The following RAB44 variants were observed in gnomAD, a reference collection of about 807,000 sequenced individuals.
The protein encoded by RAB44 is ras-related protein Rab-44.
A neutral mutation model predicts 93.3 loss-of-function variants in RAB44; 67 were observed. That is an observed-to-expected ratio of 0.72 (90% CI 0.59 to 0.88). The LOEUF (loss-of-function observed/expected upper bound fraction) is 0.88, where lower values mean the gene tolerates loss of function less well. Among genes scored for constraint, RAB44 ranks in the 40% least tolerant of loss-of-function variants. The probability of loss-of-function intolerance (pLI) is 0.00; values close to 1 mark genes in which losing one functional copy is unlikely to be tolerated. For synonymous variants in RAB44, 427 were observed against 520.3 expected (o/e 0.82, Z 2.44); for missense variants, 1,064 against 1,261.7 (o/e 0.84, Z 2.37).
chr6:36,718,076 G>A lies in RAB44; in HGVS notation c.690G>A (p.Met230Ile), dbSNP rs536395111. The stretch of plus-strand genomic sequence containing the variant: ...AGGTCCAGCAGCTCTATGAGGAGAT[G>A]GAGCAGCAGATCCGCCAGGAGAAGC... ...HREVQQLYEE[M>I]EQQIRQEKQQ... Residue 230 changes from methionine to isoleucine, a missense_variant, in exon 6 of 14, where the codon ATG becomes ATA. Coordinates refer to ENST00000612677, the MANE Select transcript of RAB44 (RefSeq NM_001257357.2). 2 of 1,232,306 alleles carry A rather than the reference G, an allele frequency of 1.6e-6. No homozygotes were observed. Among genetic ancestry groups the A allele is most frequent in the Non-Finnish European group, 2.0e-6 (2 of 988,086 alleles). The allele number at this position is 1,232,306 out of a possible 1,614,324, so 76.3% of individuals were successfully genotyped here.
chr6:36,710,579 ACT>A (rs1195194567), intron 2 of RAB44, among the ~76,000 whole-genome samples: 2 of 147,558 alleles, frequency 1.4e-5, no homozygotes, highest in South Asian at 2.1e-4. Context: ...ATGGAGTCTC[ACT>A]CTGTCGTCCA....
intron 2 of RAB44, 58 bp downstream of exon 2, chr6:36,704,500 C>T (rs1304200495): frequency 1.4e-6 from 2 of 1,474,228 alleles, no homozygotes; most frequent in African/African-American, 1.4e-5. Context: ...CCTGACACCC[C>T]CTCTCCCCCA....
intron 2 of RAB44, among the ~76,000 whole-genome samples, chr6:36,705,884 ATTT>A (rs1262772223): frequency 6.6e-6 from 1 of 150,724 alleles, no homozygotes; most frequent in African/African-American, 2.5e-5. Flanking sequence ...TATGTATGAA[ATTT>A]GGATTTATGT....
At position 36,729,649 on chromosome 6, in the gene RAB44, A is replaced by AT. The variant is rs574654014; in HGVS notation, c.2898+853dup. On this transcript the variant is annotated intron_variant, in intron 12 of 13. Transcript: ENST00000612677. ...AGGCATGTGCCACCACGCCCGGCTA[A>AT]TTTTTGTATTTTTAGTAGAGACGGG... Among the ~76,000 whole-genome samples the AT allele has an allele frequency of 2.5e-3, 378 of 151,912 alleles. 3 individuals carry two copies. Among genetic ancestry groups the AT allele is most frequent in the African/African-American group, 8.5e-3 (353 of 41,434 alleles).
At chr6:36,702,529 G>A (rs537096677) in intron 1 of RAB44, among the ~76,000 whole-genome samples, 2 of 152,302 alleles carry the variant, frequency 1.3e-5, no homozygotes, top group East Asian at 3.9e-4. Context: ...GTGGCCTTCG[G>A]CCTCAACAGA....
At chr6:36,720,326 A>G in intron 7 of RAB44, 37 bp from the exon 8 acceptor site, 1 of 1,231,782 alleles carries the variant, frequency 8.1e-7, no homozygotes, top group Non-Finnish European at 1.0e-6. Flanking sequence ...CCTGGAGGGC[A>G]TCTGGGCTTC....
At chr6:36,700,147 G>A (rs1156946573) in intron 1 of RAB44, among the ~76,000 whole-genome samples, 1 of 152,218 alleles carries the variant, frequency 6.6e-6, no homozygotes, top group Non-Finnish European at 1.5e-5. Context: ...GCTGGGGAAT[G>A]GGAACTGATG....
In RAB44 at chr6:36,713,891, G is replaced by A. The variant is rs145413523; in HGVS notation, c.271G>A (p.Val91Met). Residue 91 changes from valine (V) to methionine (M), a missense_variant, in exon 3 of 14, where the codon GTG becomes ATG. Transcript: ENST00000612677. Reference sequence around the variant, plus strand: ...AGAGATGATCTTCGACTGGGTGGATGTGGAGCGGAAGGGACACCTGTCCCT... The same window carrying A: ...AGAGATGATCTTCGACTGGGTGGATATGGAGCGGAAGGGACACCTGTCCCT... ...ESEMIFDWVDVERKGHLSLEE... is the reference protein window; with the variant it reads ...ESEMIFDWVDMERKGHLSLEE... 2.8e-3 allele frequency: 4,341 copies of A among 1,536,092 alleles called. 102 individuals carry two copies. The African/African-American group carries it at 0.048, about 17-fold the overall frequency.
Position 36,723,642 on chromosome 6 carries a change from C to T in RAB44, c.2599+909C>T, listed in dbSNP as rs139608537. 8.6e-3 allele frequency among the ~76,000 whole-genome samples: 1,300 copies of T among 151,740 alleles called. 63 individuals carry two copies. The East Asian group carries it at 0.16, about 18-fold the overall frequency. ...CAAGGTCAGGAGATCGAGACCATCC[C>T]GGCTAACGCAGTGAAACCCTGTCTT... On this transcript the variant is annotated intron_variant, in intron 9 of 13. Coordinates refer to ENST00000612677, the MANE Select transcript of RAB44 (RefSeq NM_001257357.2).
Position 36,722,235 on chromosome 6 carries a change from C to T in RAB44, c.2101C>T (p.His701Tyr). The T allele has an allele frequency of 7.9e-7, 1 of 1,265,504 alleles. No individual in the cohort carries two copies. The highest frequency in any genetic ancestry group is 2.0e-4 in the Middle Eastern group (1 of 4,946). 78.4% of individuals were successfully genotyped at this position (1,265,504 alleles called of 1,614,324 possible). Residue 701 changes from histidine (H) to tyrosine (Y), a missense_variant, in exon 9 of 14, where the codon CAC (histidine) becomes TAC (tyrosine). Physicochemically the swap from His to Tyr is moderately conservative, Grantham distance 83. Transcript: ENST00000612677. ...GCAGTCAGAGCAGTCGGTTGAGGCTCACGGCCTAGAAACTGCGCATTCGGA... is the reference window on the plus strand; with the variant it reads ...GCAGTCAGAGCAGTCGGTTGAGGCTTACGGCCTAGAAACTGCGCATTCGGA... Reference protein sequence around the residue: ...SEQSEQSVEAHGLETAHSELP... With the variant: ...SEQSEQSVEAYGLETAHSELP...
intron 1 of RAB44, among the ~76,000 whole-genome samples, chr6:36,699,369 C>G (rs1012504762): frequency 3.9e-5 from 6 of 152,162 alleles, no homozygotes; most frequent in African/African-American, 1.4e-4. Context: ...TTCTAACATC[C>G]TACACCTGTG....
At chr6:36,712,121 G>A (rs1350017123) in intron 2 of RAB44, among the ~76,000 whole-genome samples, 1 of 151,832 alleles carries the variant, frequency 6.6e-6, no homozygotes, top group East Asian at 2.0e-4. Flanking sequence ...TGGCCAACAT[G>A]GTGAAACCCC....
chr6:36,714,121 C>T (rs1326975529), intron 3 of RAB44, among the ~76,000 whole-genome samples, 182 bp downstream of exon 3: 1 of 152,230 alleles, frequency 6.6e-6, no homozygotes, highest in African/African-American at 2.4e-5. Context: ...CCAGGGAGGC[C>T]TCCGGGCTTG....
rs1005442959 is a variant in RAB44, at chr6:36,721,788, C to A, written c.1654C>A (p.Pro552Thr). The change falls in exon 9 of 14, where the codon CCC becomes ACC. Residue 552 changes from proline to threonine, a missense_variant. By Grantham distance (38) the Pro-to-Thr change is conservative. Coordinates refer to ENST00000612677, the MANE Select transcript of RAB44 (RefSeq NM_001257357.2). ...QPGAGAGPQE[P>T]TQTPPTMTER... ...TGGGGCTGGAGCAGGACCCCAGGAA[C>A]CCACACAAACCCCTCCCACCATGAC... is the stretch of plus-strand genomic sequence containing the variant. 2.4e-6 allele frequency: 3 copies of A among 1,234,416 alleles called. No homozygotes were observed. In the African/African-American group the frequency reaches 4.7e-5, roughly 19 times the overall value. 76.5% of individuals were successfully genotyped at this position (1,234,416 alleles called of 1,614,324 possible).
chr6:36,727,509 C>G (rs1378202229), intron 10 of RAB44, 68 bp from the exon 11 acceptor site: 1 of 1,056,084 alleles, frequency 9.5e-7, no homozygotes, highest in African/African-American at 1.6e-5. Flanking sequence ...GTTACTTCTC[C>G]CACTTTGCAG....
At chr6:36,726,648 C>T (rs1335169729) in intron 10 of RAB44, among the ~76,000 whole-genome samples, 1 of 152,106 alleles carries the variant, frequency 6.6e-6, no homozygotes, top group African/African-American at 2.4e-5. Flanking sequence ...GGGACCAGGA[C>T]CAGTCATAGT....
At position 36,717,711 on chromosome 6, in the gene RAB44, A is replaced by T. The variant is rs1762957843; in HGVS notation, c.641+292A>T. 1.3e-5 allele frequency among the ~76,000 whole-genome samples: 2 copies of T among 152,144 alleles called. No individual in the cohort carries two copies. The highest frequency in any genetic ancestry group is 4.2e-4 in the South Asian group (2 of 4,814). On this transcript the variant is annotated intron_variant, in intron 5 of 13. Transcript: ENST00000612677. The surrounding 1 kb of genome is among the most constrained non-coding windows in gnomAD (Gnocchi z 4.1). ...CATGTGGTGACCCTGGAGTTGGGTT[A>T]TAAGGGCAGGAGGACGGTGAAAGAG...
chr6:36,715,796 T>G lies in RAB44; in HGVS notation c.494+143T>G. Reference sequence around the variant, plus strand: ...CTGGCTTGGCCATTGGCTAGCTGTGTGACCACAGGGATGGCTTGACTTCTG... The same window carrying G: ...CTGGCTTGGCCATTGGCTAGCTGTGGGACCACAGGGATGGCTTGACTTCTG... On this transcript the variant is annotated intron_variant, in intron 4 of 13. Coordinates refer to ENST00000612677, the MANE Select transcript of RAB44 (RefSeq NM_001257357.2). The G allele has an allele frequency of 3.9e-6, 3 of 775,580 alleles. No individual in the cohort carries two copies. In the South Asian group the frequency reaches 5.4e-5, roughly 14 times the overall value. 48.0% of individuals were successfully genotyped at this position (775,580 alleles called of 1,614,324 possible). A position where few individuals can be genotyped will look rare whatever the true frequency, so the allele number is the denominator to read the frequency against.
chr6:36,703,154 G>A (rs988033307), intron 1 of RAB44, among the ~76,000 whole-genome samples: 1 of 152,222 alleles, frequency 6.6e-6, no homozygotes, highest in Admixed American at 6.5e-5. Context: ...CATGGTGGAA[G>A]GCAGAAGGAC....
Sources: gnomAD v4.1 joint callset for allele counts (sites outside exome capture counted in the v4.1 genomes callset) on GRCh38, gnomAD v4.1.1 for gene constraint, Gnocchi (gnomAD v3.1) non-coding constraint, MANE v1.5 for transcripts, NCBI Gene and HGNC (gene_info 2026-07-23, HGNC 2026-07-21) for gene names.